TMEM132D: variants seen among roughly 807,000 people sequenced by gnomAD.
TMEM132D encodes the protein transmembrane protein 132D, also known as mature OL transmembrane protein.
TMEM132D carries 21 observed loss-of-function variants against 62.3 expected under a neutral mutation model. The ratio of observed to expected loss-of-function variants is 0.34; its 90% CI spans 0.24 to 0.49. The LOEUF is 0.49. TMEM132D is among the 20% of genes least tolerant of loss of function. The pLI is 0.99. For synonymous variants in TMEM132D, 621 were observed against 575.6 expected, an observed-to-expected ratio of 1.08 and a Z score of -1.13; for missense variants, 1,346 against 1,402.8, an observed-to-expected ratio of 0.96 and a Z score of 0.65.
chr12:129,897,248 G>A (rs771692028), intron 1 of TMEM132D, among the ~76,000 whole-genome samples: 1 of 152,208 alleles, frequency 6.6e-6, no homozygotes, highest in Non-Finnish European at 1.5e-5. Context: ...TCATTCAAGT[G>A]TGCTGTCTGG....
At chr12:129,317,229 T>G (rs1868518953) in intron 4 of TMEM132D, among the ~76,000 whole-genome samples, 1 of 152,226 alleles carries the variant, frequency 6.6e-6, no homozygotes, top group African/African-American at 2.4e-5. Flanking sequence ...AGTTTTGTTT[T>G]ATAAATCCTG....
chr12:129,637,825 G>T (rs1593099969), intron 2 of TMEM132D, among the ~76,000 whole-genome samples: 1 of 151,996 alleles, frequency 6.6e-6, no homozygotes, highest in African/African-American at 2.4e-5. Flanking sequence ...AAGGCAGGGG[G>T]CGGAGGTGCC....
At chr12:129,726,699 A>C (rs1375295672) in intron 1 of TMEM132D, among the ~76,000 whole-genome samples, 1 of 152,134 alleles carries the variant, frequency 6.6e-6, no homozygotes, top group Non-Finnish European at 1.5e-5. Context: ...CACAGTTAGG[A>C]GGCAACTGCA....
intron 2 of TMEM132D, among the ~76,000 whole-genome samples, chr12:129,589,495 C>T (rs538513147): frequency 2.7e-4 from 41 of 152,304 alleles, no homozygotes; most frequent in Non-Finnish European, 5.1e-4. Context: ...CAAGGACAAA[C>T]GATTCAAGTA....
chr12:129,219,832 A>G (rs1879304770), intron 4 of TMEM132D, among the ~76,000 whole-genome samples: 3 of 152,330 alleles, frequency 2.0e-5, no homozygotes, highest in South Asian at 2.1e-4. Flanking sequence ...TCAAGGCTCC[A>G]CATGCCCTGG....
At chr12:129,415,393 T>A (rs568340874) in intron 3 of TMEM132D, among the ~76,000 whole-genome samples, 1 of 152,216 alleles carries the variant, frequency 6.6e-6, no homozygotes. Flanking sequence ...TATCTCATAG[T>A]AGATTGGTAT....
intron 4 of TMEM132D, among the ~76,000 whole-genome samples, chr12:129,215,649 T>G (rs1333011122): frequency 6.6e-6 from 1 of 152,142 alleles, no homozygotes; most frequent in Admixed American, 6.5e-5. Flanking sequence ...GTGGTTTCAG[T>G]GTAGTGAACT....
At chr12:129,661,834 G>T (rs974174558) in intron 2 of TMEM132D, among the ~76,000 whole-genome samples, 1 of 152,130 alleles carries the variant, frequency 6.6e-6, no homozygotes, top group African/African-American at 2.4e-5. Flanking sequence ...AGATTTTATT[G>T]TGTCTGCAAG....
intron 3 of TMEM132D, among the ~76,000 whole-genome samples, chr12:129,487,130 C>G (rs1277818656): frequency 1.3e-5 from 2 of 152,014 alleles, no homozygotes; most frequent in Admixed American, 1.3e-4. Context: ...AGGAGCCACT[C>G]CAGCTGTGAG....
At chr12:129,314,069 A>G (rs573261421) in intron 4 of TMEM132D, among the ~76,000 whole-genome samples, 15 of 151,586 alleles carry the variant, frequency 9.9e-5, no homozygotes, top group African/African-American at 3.4e-4. Context: ...TTTTCTTACT[A>G]ATTTGTTTGA....
At chr12:129,577,101 G>C (rs1293104721) in intron 2 of TMEM132D, among the ~76,000 whole-genome samples, 1 of 151,922 alleles carries the variant, frequency 6.6e-6, no homozygotes, top group South Asian at 2.1e-4. Context: ...TGGTGTCACC[G>C]AAGGTTTACA....
chr12:129,700,412 T>C lies in TMEM132D; in HGVS notation c.366A>G (p.Lys122=), dbSNP rs1428831057. The C allele has an allele frequency of 7.4e-6, 12 of 1,613,930 alleles. No homozygotes were observed. Among genetic ancestry groups the C allele is most frequent in the East Asian group, 2.2e-5 (1 of 44,844 alleles). The change falls in exon 2 of 9, where the codon AAA becomes AAG. Residue 122 remains lysine (K), a synonymous_variant. Coordinates refer to ENST00000422113, the MANE Select transcript of TMEM132D (RefSeq NM_133448.3). ...LPSNPFGFTN[K]FSLNWKLKAH... ...CTTTTAGTTTCCAGTTAAGAGAAAA[T>C]TTGTTGGTGAATCCAAATGGGTTGG...
At chr12:129,886,716 T>C in intron 1 of TMEM132D, among the ~76,000 whole-genome samples, 1 of 152,256 alleles carries the variant, frequency 6.6e-6, no homozygotes, top group Admixed American at 6.5e-5. Context: ...TCTGGCTGTG[T>C]CCCCACCCAC....
intron 5 of TMEM132D, among the ~76,000 whole-genome samples, chr12:129,133,515 C>T (rs1280122555): frequency 6.6e-6 from 1 of 152,362 alleles, no homozygotes; most frequent in Non-Finnish European, 1.5e-5. Context: ...CTTTATCCTG[C>T]TCTTCCCCCT....
intron 1 of TMEM132D, among the ~76,000 whole-genome samples, chr12:129,826,455 C>G (rs1593177168): frequency 6.6e-6 from 1 of 152,298 alleles, no homozygotes; most frequent in Non-Finnish European, 1.5e-5. Context: ...AGCCTTTCAC[C>G]GTGCCTGTCG....
At chr12:129,795,506 G>C (rs1366643398) in intron 1 of TMEM132D, among the ~76,000 whole-genome samples, 1 of 152,226 alleles carries the variant, frequency 6.6e-6, no homozygotes, top group Non-Finnish European at 1.5e-5. Flanking sequence ...TGCCAAGGCT[G>C]CTGGCCCCAC....
At chr12:129,412,735 C>T (rs1872004950) in intron 3 of TMEM132D, among the ~76,000 whole-genome samples, 1 of 152,148 alleles carries the variant, frequency 6.6e-6, no homozygotes, top group South Asian at 2.1e-4. Flanking sequence ...CACCTATAAT[C>T]CCAGCTACTC....
intron 1 of TMEM132D, among the ~76,000 whole-genome samples, chr12:129,875,270 A>G (rs1004955204): frequency 9.2e-5 from 14 of 152,192 alleles, no homozygotes; most frequent in African/African-American, 3.4e-4. Context: ...GGGCTTTCAC[A>G]CTGGCCCTAG....
At chr12:129,494,115 G>T (rs1466503197) in intron 3 of TMEM132D, among the ~76,000 whole-genome samples, 1 of 152,202 alleles carries the variant, frequency 6.6e-6, no homozygotes, top group Non-Finnish European at 1.5e-5. Flanking sequence ...CATTCCTGGG[G>T]AGTGGAGAGG....
Sources: allele counts gnomAD v4.1 joint callset (sites outside exome capture counted in the v4.1 genomes callset), GRCh38; gene constraint gnomAD v4.1.1; transcripts MANE v1.5; gene names NCBI Gene and HGNC (gene_info 2026-07-23, HGNC 2026-07-21).